The following FGF14 variants were observed in gnomAD, a reference collection of about 807,000 sequenced individuals.
The protein encoded by FGF14 is fibroblast growth factor homologous factor 4.
A neutral mutation model predicts 25.5 loss-of-function variants in FGF14; 5 were observed. The observed-to-expected ratio is 0.20, with a 90% CI of 0.10 to 0.41. FGF14 has a LOEUF of 0.41. Among genes scored for constraint, FGF14 ranks in the 10% least tolerant of loss-of-function variants. FGF14 has a pLI of 1.00. For missense variants in FGF14, 222 were observed against 320.1 expected, an observed-to-expected ratio of 0.69 and a Z score of 2.34; for synonymous variants, 138 against 118.3, an observed-to-expected ratio of 1.17 and a Z score of -1.08.
At chr13:101,998,534 G>C (rs1332704087) in intron 1 of FGF14, among the ~76,000 whole-genome samples, 1 of 152,010 alleles carries the variant, frequency 6.6e-6, no homozygotes. Context: ...AATTGTATTA[G>C]GTTCAAATCA....
chr13:101,970,532 A>G (rs1481964991), intron 1 of FGF14, among the ~76,000 whole-genome samples: 2 of 152,172 alleles, frequency 1.3e-5, no homozygotes, highest in African/African-American at 4.8e-5. Context: ...AAGAAGCCTT[A>G]GAATCAAGGT....
At chr13:102,108,298 C>T (rs528240448) in intron 1 of FGF14, among the ~76,000 whole-genome samples, 1 of 152,294 alleles carries the variant, frequency 6.6e-6, no homozygotes, top group South Asian at 2.1e-4. Context: ...TTATGAACCA[C>T]CCACATTTTC....
intron 1 of FGF14, among the ~76,000 whole-genome samples, chr13:102,325,921 C>T (rs1034028187): frequency 5.9e-5 from 9 of 152,094 alleles, no homozygotes; most frequent in African/African-American, 2.2e-4. Context: ...TTCAATAAAT[C>T]CTAAATACCT....
chr13:102,271,344 CTCG>C lies in FGF14; in HGVS notation c.208+130124_208+130126del, dbSNP rs528029665. 5.4e-4 allele frequency among the ~76,000 whole-genome samples: 82 copies of C among 152,298 alleles called. 1 individual carries two copies. In the South Asian group the frequency reaches 0.016, roughly 30 times the overall value. On this transcript the variant is annotated intron_variant, in intron 1 of 4. Transcript: ENST00000376131. ...CTCATTCTTCTCTTCACCATTCTGT[CTCG>C]TCCATTTGCCGTGTTCCAGTCACAG...
At chr13:101,839,761 A>G (rs993132272) in intron 3 of FGF14, among the ~76,000 whole-genome samples, 3 of 152,012 alleles carry the variant, frequency 2.0e-5, no homozygotes, top group African/African-American at 7.2e-5. Flanking sequence ...GGTTAACGGT[A>G]CATCATTTTG....
At chr13:101,818,614 C>A (rs529877537) in intron 3 of FGF14, among the ~76,000 whole-genome samples, 1 of 152,222 alleles carries the variant, frequency 6.6e-6, no homozygotes, top group South Asian at 2.1e-4. Flanking sequence ...TTGGATGGTT[C>A]GGAGAACTCT....
rs562704712 is a variant in FGF14, at chr13:101,712,843, C to T, written c.*9988G>A. The T allele has an allele frequency of 6.6e-6, 1 of 152,244 alleles. No homozygotes were observed. The highest frequency in any genetic ancestry group is 2.4e-5 in the African/African-American group (1 of 41,542). 9.4% of individuals were successfully genotyped at this position (152,244 alleles called of 1,614,324 possible). A position where few individuals can be genotyped will look rare whatever the true frequency, so the allele number is the denominator to read the frequency against. ...AAGAAATCTCTAAAATCAGGAAATTCCTCACCTTGATGAGACCACAAGGGA... is the reference window on the plus strand; with the variant it reads ...AAGAAATCTCTAAAATCAGGAAATTTCTCACCTTGATGAGACCACAAGGGA... On this transcript the variant is annotated 3_prime_UTR_variant, in exon 5 of 5. Transcript: ENST00000376143.
At chr13:102,011,370 C>G (rs1226173017) in intron 1 of FGF14, among the ~76,000 whole-genome samples, 2 of 152,214 alleles carry the variant, frequency 1.3e-5, no homozygotes, top group Non-Finnish European at 2.9e-5. Context: ...ACTTAAGTGT[C>G]TATTCCTAAC....
At chr13:102,366,990 A>C (rs1435381518) in intron 1 of FGF14, among the ~76,000 whole-genome samples, 2 of 152,246 alleles carry the variant, frequency 1.3e-5, no homozygotes, top group Non-Finnish European at 2.9e-5. Flanking sequence ...TAAAAGCAGG[A>C]ATTGTCCCAG....
At chr13:101,788,438 A>T (rs1266170754) in intron 3 of FGF14, among the ~76,000 whole-genome samples, 1 of 152,108 alleles carries the variant, frequency 6.6e-6, no homozygotes, top group Non-Finnish European at 1.5e-5. Flanking sequence ...AAACTTATAC[A>T]TGTGTGTAAG....
intron 1 of FGF14, among the ~76,000 whole-genome samples, chr13:102,232,276 C>T (rs2051119116): frequency 7.4e-6 from 1 of 134,840 alleles, no homozygotes; most frequent in Non-Finnish European, 1.5e-5. Flanking sequence ...TATGGAGCTA[C>T]AAGCTGAAGA....
At chr13:101,828,119 CAT>C (rs1401787650) in intron 3 of FGF14, among the ~76,000 whole-genome samples, 2 of 151,910 alleles carry the variant, frequency 1.3e-5, no homozygotes, top group African/African-American at 2.4e-5. Flanking sequence ...TACACACACA[CAT>C]ATATCACATA....
intron 1 of FGF14, among the ~76,000 whole-genome samples, chr13:102,288,477 A>C (rs902118429): frequency 6.6e-6 from 1 of 152,200 alleles, no homozygotes; most frequent in African/African-American, 2.4e-5. Context: ...CTTTCATGAC[A>C]CAAAAGTATC....
intron 1 of FGF14, among the ~76,000 whole-genome samples, chr13:102,380,361 A>C (rs1253063911): frequency 6.6e-6 from 1 of 152,156 alleles, no homozygotes; most frequent in African/African-American, 2.4e-5. Context: ...ATGCCCAATT[A>C]TATCTAGCAA....
At chr13:102,316,447 A>G (rs1327975700) in intron 1 of FGF14, among the ~76,000 whole-genome samples, 1 of 152,226 alleles carries the variant, frequency 6.6e-6, no homozygotes, top group Non-Finnish European at 1.5e-5. Flanking sequence ...CATATATACA[A>G]TTATTATCAA....
At chr13:101,905,895 A>G (rs2032178747) in intron 1 of FGF14, among the ~76,000 whole-genome samples, 1 of 152,122 alleles carries the variant, frequency 6.6e-6, no homozygotes. Context: ...GACCACTATG[A>G]GTTCCTGGAA....
At chr13:102,161,676 GA>G (rs2047755160) in intron 1 of FGF14, among the ~76,000 whole-genome samples, 2 of 56,954 alleles carry the variant, frequency 3.5e-5, no homozygotes, top group Admixed American at 4.3e-4. Flanking sequence ...AGAAGAAGAA[GA>G]AGAAGAAGAA....
intron 3 of FGF14, among the ~76,000 whole-genome samples, chr13:101,861,781 G>A (rs375125976): frequency 2.3e-4 from 35 of 152,110 alleles, no homozygotes; most frequent in Middle Eastern, 6.8e-3. Context: ...CAAATGTTTC[G>A]TAGTTTTCAA....
intron 1 of FGF14, among the ~76,000 whole-genome samples, chr13:101,947,418 AC>A (rs199880031): frequency 0.012 from 1,861 of 152,322 alleles, 41 homozygotes; most frequent in African/African-American, 0.042. Context: ...AGTAGCAAAG[AC>A]ATGGAATAAA....
Sources: allele counts gnomAD v4.1 joint callset (sites outside exome capture counted in the v4.1 genomes callset), GRCh38; gene constraint gnomAD v4.1.1; transcripts MANE v1.5; gene names NCBI Gene and HGNC (gene_info 2026-07-23, HGNC 2026-07-21).